NRXN3: variants seen among roughly 807,000 people sequenced by gnomAD.
NRXN3 encodes the protein neurexin III.
Under a neutral mutation model 137.6 loss-of-function variants are expected in NRXN3, and 32 were observed. The ratio of observed to expected loss-of-function variants is 0.23; its 90% CI spans 0.18 to 0.31. The LOEUF is 0.31. Among genes scored for constraint, NRXN3 ranks in the 10% least tolerant of loss-of-function variants. NRXN3 has a pLI of 1.00. For missense variants in NRXN3, 1,574 were observed against 2,062.5 expected, an observed-to-expected ratio of 0.76 and a Z score of 4.59; for synonymous variants, 798 against 784.5, an observed-to-expected ratio of 1.02 and a Z score of -0.29.
At chr14:79,219,307 T>G (rs979489961) in intron 15 of NRXN3, among the ~76,000 whole-genome samples, 1 of 152,136 alleles carries the variant, frequency 6.6e-6, no homozygotes, top group African/African-American at 2.4e-5. Context: ...TTTATTTATT[T>G]TTTTGTAGAG....
intron 1 of NRXN3, among the ~76,000 whole-genome samples, chr14:78,202,159 T>A (rs1395614314): frequency 6.6e-6 from 1 of 152,086 alleles, no homozygotes; most frequent in Non-Finnish European, 1.5e-5. Context: ...GAGAGCCAAG[T>A]GCCATCCTGG....
chr14:78,453,700 G>A (rs1212619118), intron 4 of NRXN3, among the ~76,000 whole-genome samples: 5 of 152,104 alleles, frequency 3.3e-5, no homozygotes, highest in Non-Finnish European at 4.4e-5. Context: ...TTAACGTGAG[G>A]TCATTAGGGT....
At chr14:78,852,828 G>A (rs1217520950) in intron 10 of NRXN3, among the ~76,000 whole-genome samples, 1 of 151,616 alleles carries the variant, frequency 6.6e-6, no homozygotes, top group Non-Finnish European at 1.5e-5. Context: ...AAGATTAAGT[G>A]GAATCATGTA....
chr14:78,654,837 G>A (rs2097773002), intron 6 of NRXN3, among the ~76,000 whole-genome samples: 1 of 152,156 alleles, frequency 6.6e-6, no homozygotes, highest in Non-Finnish European at 1.5e-5. Context: ...TCACATGATT[G>A]TACATTAATA....
chr14:79,161,092 T>C (rs2153063043), intron 15 of NRXN3, among the ~76,000 whole-genome samples: 1 of 152,094 alleles, frequency 6.6e-6, no homozygotes, highest in Admixed American at 6.6e-5. Flanking sequence ...AAATGTGTAA[T>C]TCTTGTTCTT....
At chr14:79,407,870 C>G (rs1567041108) in intron 15 of NRXN3, among the ~76,000 whole-genome samples, 2 of 152,010 alleles carry the variant, frequency 1.3e-5, no homozygotes, top group Non-Finnish European at 2.9e-5. Flanking sequence ...GTGAATGGAA[C>G]TTCGGGTGTT....
At chr14:78,787,661 A>G (rs899225157) in intron 8 of NRXN3, among the ~76,000 whole-genome samples, 2 of 152,190 alleles carry the variant, frequency 1.3e-5, no homozygotes, top group Non-Finnish European at 2.9e-5. Flanking sequence ...AATATGGCAG[A>G]GTGAGGCAGC....
rs147866704 is a variant in NRXN3 at position 78,576,329 on chromosome 14, C to T, written c.758-68791C>T. 7.3e-4 allele frequency among the ~76,000 whole-genome samples: 111 copies of T among 152,266 alleles called. 2 individuals carry two copies. The East Asian group carries it at 0.019, about 27-fold the overall frequency. ...TTCTTCCTTCACCTTTCATGAACAA[C>T]ACCAGTGGTTTTGTCTGCTGAGGGC... On this transcript the variant is annotated intron_variant, in intron 4 of 20. Transcript: ENST00000335750.
intron 15 of NRXN3, among the ~76,000 whole-genome samples, chr14:79,332,377 C>T (rs1375173490): frequency 2.6e-5 from 4 of 152,180 alleles, no homozygotes; most frequent in African/African-American, 7.2e-5. Flanking sequence ...AGTCTCATCT[C>T]CTACAACTCA....
At chr14:78,405,706 C>T (rs2092442069) in intron 4 of NRXN3, among the ~76,000 whole-genome samples, 1 of 152,094 alleles carries the variant, frequency 6.6e-6, no homozygotes, top group Non-Finnish European at 1.5e-5. Flanking sequence ...GCTATGCTTG[C>T]TGGGTCGACC....
At chr14:79,449,633 C>G (rs367805940) in intron 15 of NRXN3, among the ~76,000 whole-genome samples, 1 of 152,138 alleles carries the variant, frequency 6.6e-6, no homozygotes, top group African/African-American at 2.4e-5. Flanking sequence ...TATAAGGCCT[C>G]AAGTCATTTT....
At chr14:79,587,729 C>T (rs2097773599) in intron 16 of NRXN3, among the ~76,000 whole-genome samples, 1 of 152,164 alleles carries the variant, frequency 6.6e-6, no homozygotes, top group Non-Finnish European at 1.5e-5. Flanking sequence ...TACTTATGTA[C>T]ATGCAAGTGT....
At chr14:79,247,980 T>C (rs781670801) in intron 15 of NRXN3, among the ~76,000 whole-genome samples, 2 of 152,180 alleles carry the variant, frequency 1.3e-5, no homozygotes, top group Admixed American at 1.3e-4. Flanking sequence ...CAAATGCTTC[T>C]GAAGTATTCA....
chr14:79,164,512 C>T (rs2061108511), intron 15 of NRXN3, among the ~76,000 whole-genome samples: 1 of 151,956 alleles, frequency 6.6e-6, no homozygotes, highest in African/African-American at 2.4e-5. Flanking sequence ...GCAGAATTAT[C>T]ATAATTTCCA....
chr14:79,751,197 C>A (rs377203041), intron 19 of NRXN3, among the ~76,000 whole-genome samples: 1 of 152,054 alleles, frequency 6.6e-6, no homozygotes, highest in East Asian at 1.9e-4. Context: ...TTCTTCCTAC[C>A]CATGAGCATG....
intron 16 of NRXN3, among the ~76,000 whole-genome samples, chr14:79,577,128 G>A (rs1000514495): frequency 6.6e-6 from 1 of 152,122 alleles, no homozygotes; most frequent in Non-Finnish European, 1.5e-5. Context: ...TATCTTGCCT[G>A]CTGCCATGAC....
rs909514822 is a variant in NRXN3 at position 79,663,906 on chromosome 14, C to T, written c.3573C>T (p.Thr1191=). 1 of 1,613,512 alleles carries T rather than the reference C, an allele frequency of 6.2e-7. No homozygotes were observed. The highest frequency in any genetic ancestry group is 8.5e-7 in the Non-Finnish European group (1 of 1,179,636). Reference sequence around the variant, plus strand: ...TCACCAGGAACGGCGGCAACGCCACCCTGCAGGTGGACAACTGGCCAGTGA... The same window carrying T: ...TCACCAGGAACGGCGGCAACGCCACTCTGCAGGTGGACAACTGGCCAGTGA... The part of the protein sequence containing the change: ...VRFTRNGGNA[T]LQVDNWPVNE... Residue 1191 remains threonine, a synonymous_variant, in exon 17 of 21, where the codon ACC becomes ACT. Transcript: ENST00000335750.
intron 15 of NRXN3, among the ~76,000 whole-genome samples, chr14:79,353,297 G>A (rs901843560): frequency 1.3e-5 from 2 of 151,700 alleles, no homozygotes; most frequent in African/African-American, 2.4e-5. Flanking sequence ...ATATGTTTCT[G>A]GAAACTATTC....
At chr14:79,811,583 T>C (rs1160593325) in intron 20 of NRXN3, among the ~76,000 whole-genome samples, 1 of 135,828 alleles carries the variant, frequency 7.4e-6, no homozygotes, top group Non-Finnish European at 1.5e-5. Context: ...TCTTTTTTCT[T>C]TTTTTTTTTT....
Sources: allele counts gnomAD v4.1 joint callset (sites outside exome capture counted in the v4.1 genomes callset), GRCh38; gene constraint gnomAD v4.1.1; transcripts MANE v1.5; gene names NCBI Gene and HGNC (gene_info 2026-07-23, HGNC 2026-07-21).